Variants in ADAMTSL1 observed in about 807,000 individuals in gnomAD.
ADAMTSL1 encodes the protein ADAMTS like 1.
ADAMTSL1 carries 126 observed loss-of-function variants against 201.8 expected under a neutral mutation model. That is an observed-to-expected ratio of 0.62 (90% CI 0.54 to 0.72). The LOEUF is 0.72. Ranked by LOEUF, ADAMTSL1 falls within the 30% of genes least tolerant of loss-of-function variation. ADAMTSL1 has a pLI of 0.00. For missense variants in ADAMTSL1, 2,679 were observed against 2,277.8 expected (o/e 1.18, Z -3.59); for synonymous variants, 1,121 against 903.4 (o/e 1.24, Z -4.32).
intron 9 of ADAMTSL1, among the ~76,000 whole-genome samples, chr9:18,667,214 C>CTT (rs555274457): frequency 1.3e-4 from 18 of 139,620 alleles, no homozygotes; most frequent in Non-Finnish European, 1.7e-4. Context: ...TTTAAGTGAA[C>CTT]TTTTTTTTTT....
At chr9:18,726,814 A>G (rs998871834) in intron 15 of ADAMTSL1, among the ~76,000 whole-genome samples, 1 of 152,250 alleles carries the variant, frequency 6.6e-6, no homozygotes, top group Non-Finnish European at 1.5e-5. Flanking sequence ...AACAGAGAAC[A>G]GCTGAGTGGT....
chr9:18,846,422 G>T (rs1038319719), intron 23 of ADAMTSL1, among the ~76,000 whole-genome samples: 2 of 152,214 alleles, frequency 1.3e-5, no homozygotes, highest in African/African-American at 2.4e-5. Context: ...GGAGCCGGCA[G>T]AGGTTATAAA....
At chr9:18,499,238 CT>C (rs1381113378) in intron 1 of ADAMTSL1, among the ~76,000 whole-genome samples, 1 of 152,210 alleles carries the variant, frequency 6.6e-6, no homozygotes, top group Non-Finnish European at 1.5e-5. Flanking sequence ...CAAATATCAT[CT>C]GGGAAGGCGC....
At chr9:18,101,800 C>A (rs1022171757) in intron 1 of ADAMTSL1, among the ~76,000 whole-genome samples, 2 of 152,152 alleles carry the variant, frequency 1.3e-5, no homozygotes, top group African/African-American at 4.8e-5. Context: ...AAAGGAAGAG[C>A]AGCTGGCCCT....
At chr9:18,566,971 G>A (rs2132315699) in intron 3 of ADAMTSL1, among the ~76,000 whole-genome samples, 1 of 152,276 alleles carries the variant, frequency 6.6e-6, no homozygotes, top group African/African-American at 2.4e-5. Context: ...ATGGCTCTAA[G>A]GCAGTGGTTC....
chr9:18,145,746 T>A (rs779428129), intron 1 of ADAMTSL1, among the ~76,000 whole-genome samples: 1 of 152,174 alleles, frequency 6.6e-6, no homozygotes, highest in South Asian at 2.1e-4. Context: ...AGAAAATTTA[T>A]AAGCTAAACA....
At position 18,714,757 on chromosome 9, in the gene ADAMTSL1, T is replaced by C. The variant is rs200918076; in HGVS notation, c.1877-6779T>C. 3.7e-3 allele frequency among the ~76,000 whole-genome samples: 567 copies of C among 152,148 alleles called. 2 individuals carry two copies. Among genetic ancestry groups the C allele is most frequent in the Non-Finnish European group, 6.5e-3 (439 of 68,010 alleles). On this transcript the variant is annotated intron_variant, in intron 14 of 28. Coordinates refer to ENST00000380548, the MANE Select transcript of ADAMTSL1 (RefSeq NM_001040272.6). Reference sequence around the variant, plus strand: ...TCCCTAACTCATTTGATGAGGCCAGTATCATACTGATACCAAAGCCGGGCA... The same window carrying C: ...TCCCTAACTCATTTGATGAGGCCAGCATCATACTGATACCAAAGCCGGGCA...
chr9:18,269,121 C>A (rs915815881), intron 2 of ADAMTSL1, among the ~76,000 whole-genome samples: 1 of 152,030 alleles, frequency 6.6e-6, no homozygotes, highest in Non-Finnish European at 1.5e-5. Flanking sequence ...ATTTACCTAA[C>A]CATGATAAAT....
intron 6 of ADAMTSL1, among the ~76,000 whole-genome samples, chr9:18,637,025 C>T (rs192409031): frequency 2.6e-5 from 4 of 152,062 alleles, no homozygotes; most frequent in African/African-American, 9.6e-5. Context: ...AATTGAAGCC[C>T]ATAAAAGTCA....
At chr9:18,516,497 C>A (rs1340504158) in intron 2 of ADAMTSL1, among the ~76,000 whole-genome samples, 1 of 152,226 alleles carries the variant, frequency 6.6e-6, no homozygotes, top group Non-Finnish European at 1.5e-5. Flanking sequence ...CAGATAAAGA[C>A]CCTTTCCTAC....
At chr9:18,698,364 A>G (rs1439052447) in intron 13 of ADAMTSL1, among the ~76,000 whole-genome samples, 1 of 151,972 alleles carries the variant, frequency 6.6e-6, no homozygotes, top group Non-Finnish European at 1.5e-5. Context: ...GCTCACTGCA[A>G]CCTCCACCTC....
chr9:18,128,069 T>C (rs1825809657), intron 1 of ADAMTSL1, among the ~76,000 whole-genome samples: 2 of 152,204 alleles, frequency 1.3e-5, no homozygotes, highest in Admixed American at 1.3e-4. Context: ...GTCTAACAAA[T>C]GACTAGTTGC....
At position 17,990,283 on chromosome 9, in the gene ADAMTSL1, G is replaced by T. The variant is rs182976863; in HGVS notation, c.87+83361G>T. Among the ~76,000 whole-genome samples, 698 of 152,120 alleles carry T rather than the reference G, an allele frequency of 4.6e-3. 5 individuals carry two copies. The highest frequency in any genetic ancestry group is 0.016 in the African/African-American group (650 of 41,544). On this transcript the variant is annotated intron_variant, in intron 1 of 29. Coordinates refer to the ADAMTSL1 transcript ENST00000680146. ...GAAAAGTTAGAGAAATAGCTCTTCT[G>T]TTTGGGATATTTTGTAGATGACCAT...
chr9:18,721,550 G>C lies in ADAMTSL1; in HGVS notation c.1891G>C (p.Val631Leu). The change falls in exon 15 of 29, where the codon GTG (valine) becomes CTG (leucine). Residue 631 changes from valine to leucine, a missense_variant. Coordinates refer to ENST00000380548, the MANE Select transcript of ADAMTSL1 (RefSeq NM_001040272.6). Reference sequence around the variant, plus strand: ...TTTGTACACAGGTGTCCAGGAGGCTGTGGTGAGCTGCTTGAACAAACAGAC... The same window carrying C: ...TTTGTACACAGGTGTCCAGGAGGCTCTGGTGAGCTGCTTGAACAAACAGAC... Reference protein sequence around the residue: ...ESCGGGVQEAVVSCLNKQTRE... With the variant: ...ESCGGGVQEALVSCLNKQTRE... 2 of 1,613,992 alleles carry C rather than the reference G, an allele frequency of 1.2e-6. No individual in the cohort carries two copies. Among genetic ancestry groups the C allele is most frequent in the South Asian group, 1.1e-5 (1 of 91,080 alleles).
intron 1 of ADAMTSL1, among the ~76,000 whole-genome samples, chr9:18,068,202 A>G (rs1391147363): frequency 2.0e-5 from 3 of 152,150 alleles, no homozygotes; most frequent in Non-Finnish European, 4.4e-5. Context: ...AGCTCTTCCC[A>G]TCAGTGAGAG....
At chr9:18,482,131 T>A (rs901146148) in intron 1 of ADAMTSL1, among the ~76,000 whole-genome samples, 1 of 152,234 alleles carries the variant, frequency 6.6e-6, no homozygotes, top group Non-Finnish European at 1.5e-5. Flanking sequence ...AAGACCAAGA[T>A]GACCTTGTGC....
chr9:18,041,891 A>G (rs1821441622), intron 1 of ADAMTSL1, among the ~76,000 whole-genome samples: 1 of 152,166 alleles, frequency 6.6e-6, no homozygotes, highest in African/African-American at 2.4e-5. Flanking sequence ...ATCTGATTTT[A>G]GAAATGTTGG....
intron 23 of ADAMTSL1, among the ~76,000 whole-genome samples, chr9:18,831,379 C>G (rs1824966068): frequency 6.6e-6 from 1 of 152,182 alleles, no homozygotes; most frequent in African/African-American, 2.4e-5. Flanking sequence ...CTATGAGAAA[C>G]TCTCATAACT....
At chr9:18,897,170 C>A (rs991770869) in intron 26 of ADAMTSL1, among the ~76,000 whole-genome samples, 2 of 152,206 alleles carry the variant, frequency 1.3e-5, no homozygotes, top group African/African-American at 2.4e-5. Context: ...GGCCTCCCTG[C>A]GGGAATTTCA....
Sources: allele counts gnomAD v4.1 joint callset (sites outside exome capture counted in the v4.1 genomes callset), GRCh38; gene constraint gnomAD v4.1.1; transcripts MANE v1.5; gene names NCBI Gene and HGNC (gene_info 2026-07-23, HGNC 2026-07-21).